The following ENTPD6 variants were observed in gnomAD, a reference collection of about 807,000 sequenced individuals.
ENTPD6 encodes the protein ectonucleoside triphosphate diphosphohydrolase 6.
Under a neutral mutation model 61.5 loss-of-function variants are expected in ENTPD6, and 46 were observed. The ratio of observed to expected loss-of-function variants is 0.75; its 90% CI spans 0.59 to 0.96. ENTPD6 has a LOEUF of 0.96. Among genes scored for constraint, ENTPD6 ranks in the 40% least tolerant of loss-of-function variants. The pLI, the probability that ENTPD6 is intolerant of heterozygous loss-of-function variation, is 0.00. For missense variants in ENTPD6, 612 were observed against 629.0 expected, an observed-to-expected ratio of 0.97 and a Z score of 0.29; for synonymous variants, 252 against 255.5, an observed-to-expected ratio of 0.99 and a Z score of 0.13.
intron 10 of ENTPD6, among the ~76,000 whole-genome samples, chr20:25,219,024 G>A (rs2092502676): frequency 6.6e-6 from 1 of 152,236 alleles, no homozygotes; most frequent in Non-Finnish European, 1.5e-5. Flanking sequence ...TGGGACTACA[G>A]ATGTGTACCA....
chr20:25,225,154 G>C (rs1198555978), intron 13 of ENTPD6, 51 bp from the exon 14 acceptor site: 5 of 1,570,564 alleles, frequency 3.2e-6, no homozygotes, highest in Non-Finnish European at 4.3e-6. Context: ...TTGCCCCTCC[G>C]CCCCCAGGTG....
intron 1 of ENTPD6, among the ~76,000 whole-genome samples, chr20:25,203,514 G>C (rs1197194706): frequency 1.3e-5 from 2 of 152,170 alleles, no homozygotes; most frequent in South Asian, 2.1e-4. Flanking sequence ...GAAGTTTGCT[G>C]ATTCTTCTAC....
chr20:25,223,487 C>CACCCTCTCACA (rs1254912338), intron 12 of ENTPD6, among the ~76,000 whole-genome samples: 1 of 152,192 alleles, frequency 6.6e-6, no homozygotes, highest in African/African-American at 2.4e-5. Flanking sequence ...TGCAGAGTCA[C>CACCCTCTCACA]TATCATGGTG....
intron 13 of ENTPD6, chr20:25,224,882 A>T: frequency 2.8e-6 from 1 of 351,018 alleles, no homozygotes; most frequent in East Asian, 4.9e-5. Context: ...TTCCCCAGAA[A>T]GCTTAGGTTT....
chr20:25,208,047 GTC>G (rs1232090729), intron 3 of ENTPD6, among the ~76,000 whole-genome samples: 2 of 152,204 alleles, frequency 1.3e-5, no homozygotes, highest in African/African-American at 2.4e-5. Context: ...CGCCCTCCAT[GTC>G]TCTCTAGCTG....
Position 25,227,606 on chromosome 20 carries a change from C to G in ENTPD6, c.*2009C>G, listed in dbSNP as rs1291130581. Reference sequence around the variant, plus strand: ...TCGTAAAAGAAGCAAACTAGGGTTGCTTGAAAATTCTGTTCCCTCAGGATG... The same window carrying G: ...TCGTAAAAGAAGCAAACTAGGGTTGGTTGAAAATTCTGTTCCCTCAGGATG... On this transcript the variant is annotated 3_prime_UTR_variant, in exon 15 of 15. Transcript: ENST00000376652. Among the ~76,000 whole-genome samples the G allele has an allele frequency of 2.0e-5, 3 of 152,198 alleles. No individual in the cohort carries two copies. The highest frequency in any genetic ancestry group is 6.5e-5 in the Admixed American group (1 of 15,280).
intron 1 of ENTPD6, among the ~76,000 whole-genome samples, chr20:25,203,210 C>CT (rs2091183500): frequency 6.6e-6 from 1 of 152,126 alleles, no homozygotes; most frequent in Non-Finnish European, 1.5e-5. Context: ...AATATTCTGC[C>CT]TTTGTCTTTA....
At chr20:25,206,194 C>T (rs764466758) in intron 1 of ENTPD6, among the ~76,000 whole-genome samples, 2 of 152,210 alleles carry the variant, frequency 1.3e-5, no homozygotes, top group African/African-American at 2.4e-5. Context: ...CGGGCAGAGC[C>T]GGTGCCACTT....
chr20:25,195,728 A>C lies in ENTPD6; in HGVS notation c.-155A>C. 1.5e-6 allele frequency: 1 copy of C among 647,576 alleles called. No individual in the cohort carries two copies. The highest frequency in any genetic ancestry group is 2.2e-6 in the Non-Finnish European group (1 of 447,964). The allele number at this position is 647,576 out of a possible 1,614,324, so 40.1% of individuals were successfully genotyped here. ...GTGCATGGGGCGGAGCCCAGGCCCTAGGGAATCGTGGGGTCGTATCCCGCG... is the reference window on the plus strand; with the variant it reads ...GTGCATGGGGCGGAGCCCAGGCCCTCGGGAATCGTGGGGTCGTATCCCGCG... On this transcript the variant is annotated 5_prime_UTR_variant, in exon 1 of 15. Transcript: ENST00000376652.
chr20:25,225,684 C>G lies in ENTPD6; in HGVS notation c.*87C>G. On this transcript the variant is annotated 3_prime_UTR_variant, in exon 15 of 15. Coordinates refer to ENST00000376652, the MANE Select transcript of ENTPD6 (RefSeq NM_001247.5). ...TGGACGTGACTTCATCCTGAGGAGC[C>G]ACAGCACAGGCCGTGCTGGCACTTT... 8.8e-7 allele frequency: 1 copy of G among 1,137,054 alleles called. No individual in the cohort carries two copies. The highest frequency in any genetic ancestry group is 1.3e-6 in the Non-Finnish European group (1 of 774,234). 70.4% of individuals were successfully genotyped at this position (1,137,054 alleles called of 1,614,324 possible).
chr20:25,210,339 T>G (rs2091876413), intron 4 of ENTPD6, among the ~76,000 whole-genome samples: 1 of 152,124 alleles, frequency 6.6e-6, no homozygotes. Context: ...TAGCAAACAT[T>G]GACTGAAAAA....
chr20:25,200,208 C>T (rs1305691334), intron 1 of ENTPD6, among the ~76,000 whole-genome samples: 1 of 152,198 alleles, frequency 6.6e-6, no homozygotes, highest in African/African-American at 2.4e-5. Flanking sequence ...TTGCATTTTG[C>T]TAACGATTCA....
intron 14 of ENTPD6, 77 bp from the exon 15 acceptor site, chr20:25,225,422 C>G: frequency 6.4e-7 from 1 of 1,570,888 alleles, no homozygotes; most frequent in South Asian, 1.2e-5. Context: ...CCCTGGCTTC[C>G]AAGGAGCCAC....
rs752509419 is a variant in ENTPD6 at position 25,217,616 on chromosome 20, T to C, written c.878+35T>C. The C allele has an allele frequency of 1.1e-5, 18 of 1,589,828 alleles. No individual in the cohort carries two copies. The Admixed American group carries it at 1.8e-4, about 16-fold the overall frequency. On this transcript the variant is annotated intron_variant, in intron 9 of 14. Coordinates refer to ENST00000376652, the MANE Select transcript of ENTPD6 (RefSeq NM_001247.5). ...CGGGAACAGGCGTGGGGAGGCGCCA[T>C]GGGGTGGGTATGCAGCTCCCAGGGC...
chr20:25,215,393 C>G (rs1331880119), intron 6 of ENTPD6, among the ~76,000 whole-genome samples: 1 of 152,140 alleles, frequency 6.6e-6, no homozygotes, highest in East Asian at 1.9e-4. Flanking sequence ...GGTTCTTTTT[C>G]TGCTTCTTCC....
intron 13 of ENTPD6, 190 bp from the exon 14 acceptor site, chr20:25,225,015 C>CA: frequency 1.3e-6 from 1 of 791,916 alleles, no homozygotes; most frequent in East Asian, 2.7e-5. Flanking sequence ...GACCCAGTGG[C>CA]AGCCGGGGTT....
At chr20:25,202,885 A>C (rs2091155930) in intron 1 of ENTPD6, among the ~76,000 whole-genome samples, 1 of 152,254 alleles carries the variant, frequency 6.6e-6, no homozygotes, top group African/African-American at 2.4e-5. Context: ...ATTTTCTTAC[A>C]GCTTTTAGCT....
intron 4 of ENTPD6, 127 bp downstream of exon 4, chr20:25,210,052 A>T: frequency 1.1e-6 from 1 of 875,100 alleles, no homozygotes; most frequent in Non-Finnish European, 1.9e-6. Flanking sequence ...TGGGCATTTC[A>T]TGCCATTTGG....
intron 13 of ENTPD6, chr20:25,224,895 T>G: frequency 5.1e-6 from 2 of 395,500 alleles, no homozygotes; most frequent in Non-Finnish European, 4.5e-6. Flanking sequence ...TTAGGTTTTA[T>G]GCAGCTTGAC....
Sources: allele counts gnomAD v4.1 joint callset (sites outside exome capture counted in the v4.1 genomes callset), GRCh38; gene constraint gnomAD v4.1.1; transcripts MANE v1.5; gene names NCBI Gene and HGNC (gene_info 2026-07-23, HGNC 2026-07-21).